LRCH1: variants seen among roughly 807,000 people sequenced by gnomAD.
LRCH1 encodes leucine-rich repeat and calponin homology domain-containing protein 1.
A neutral mutation model predicts 94.9 loss-of-function variants in LRCH1; 23 were observed. That is an observed-to-expected ratio of 0.24 (90% CI 0.17 to 0.34). The LOEUF is 0.34. LRCH1 is among the 10% of genes least tolerant of loss of function. The pLI is 1.00. For synonymous variants in LRCH1, 364 were observed against 354.9 expected (o/e 1.03, Z -0.29); for missense variants, 790 against 945.9 (o/e 0.84, Z 2.16).
At chr13:46,718,998 T>G (rs1363831667) in intron 16 of LRCH1, among the ~76,000 whole-genome samples, 3 of 152,292 alleles carry the variant, frequency 2.0e-5, no homozygotes, top group African/African-American at 7.2e-5. Context: ...GACTCAAAGA[T>G]GTTCTCACAA....
intron 1 of LRCH1, among the ~76,000 whole-genome samples, chr13:46,565,735 G>A (rs1427906900): frequency 1.3e-5 from 2 of 151,480 alleles, no homozygotes; most frequent in African/African-American, 4.9e-5. Context: ...CGCTTGAACT[G>A]GGAGGCGGAG....
At chr13:46,751,623 A>T (rs1276035410) in exon 19 of LRCH1, 2 of 152,228 alleles carry the variant, frequency 1.3e-5, no homozygotes, top group Non-Finnish European at 2.9e-5. Flanking sequence ...TTTTAACACA[A>T]AGAAATAATA....
intron 10 of LRCH1, 127 bp downstream of exon 10, chr13:46,699,530 T>C: frequency 1.2e-6 from 1 of 805,284 alleles, no homozygotes; most frequent in Non-Finnish European, 2.1e-6. Flanking sequence ...TTACAGACAA[T>C]ATTGATAAGA....
intron 16 of LRCH1, among the ~76,000 whole-genome samples, chr13:46,721,422 A>G (rs1387282179): frequency 6.6e-6 from 1 of 152,074 alleles, no homozygotes; most frequent in East Asian, 1.9e-4. Flanking sequence ...AATTAGTTCT[A>G]TATTTTATAT....
At chr13:46,603,918 A>C (rs1052505140) in intron 1 of LRCH1, among the ~76,000 whole-genome samples, 1 of 152,156 alleles carries the variant, frequency 6.6e-6, no homozygotes, top group Admixed American at 6.5e-5. Flanking sequence ...TGGCCTTCTA[A>C]AATGTTGGCA....
chr13:46,625,861 C>G (rs946992076), intron 1 of LRCH1, among the ~76,000 whole-genome samples: 12 of 151,948 alleles, frequency 7.9e-5, no homozygotes, highest in Admixed American at 6.5e-4. Flanking sequence ...CCATGTTGCC[C>G]AGGTTAGTCT....
At chr13:46,696,256 A>G (rs1871182488) in intron 9 of LRCH1, among the ~76,000 whole-genome samples, 1 of 151,654 alleles carries the variant, frequency 6.6e-6, no homozygotes. Flanking sequence ...GCCACCAAAC[A>G]TTTTTCTAAA....
rs145138551 is a variant in LRCH1 at position 46,650,100 on chromosome 13, T to A, written c.308-101T>A. 624 of 746,076 alleles carry A rather than the reference T, an allele frequency of 8.4e-4. 8 individuals are homozygous for A. The African/African-American group carries it at 0.01, about 12-fold the overall frequency. 46.2% of individuals were successfully genotyped at this position (746,076 alleles called of 1,614,324 possible). On this transcript the variant is annotated intron_variant, in intron 1 of 19. Transcript: ENST00000389797. ...GTGCAAAAAAAAATGATAATGTTGGTCAAAATGTATAATGTTAAGAAAAAC... is the reference window on the plus strand; with the variant it reads ...GTGCAAAAAAAAATGATAATGTTGGACAAAATGTATAATGTTAAGAAAAAC...
rs532123760 is a variant in LRCH1 at position 46,606,794 on chromosome 13, A to G, written c.308-43407A>G. ...ACCATGTTGGCCAGGCTGGTCTCGAACTCCTGACCTCAAGTGATCCTCCTG... is the reference window on the plus strand; with the variant it reads ...ACCATGTTGGCCAGGCTGGTCTCGAGCTCCTGACCTCAAGTGATCCTCCTG... On this transcript the variant is annotated intron_variant, in intron 1 of 19. Coordinates refer to ENST00000389797, the MANE Select transcript of LRCH1 (RefSeq NM_001164211.2). Among the ~76,000 whole-genome samples, 4 of 152,138 alleles carry G rather than the reference A, an allele frequency of 2.6e-5. No individual in the cohort carries two copies. In the South Asian group the frequency reaches 8.3e-4, roughly 32 times the overall value.
chr13:46,594,469 T>G (rs1041804347), intron 1 of LRCH1, among the ~76,000 whole-genome samples: 5 of 152,074 alleles, frequency 3.3e-5, no homozygotes, highest in Non-Finnish European at 7.4e-5. Context: ...TAAATGATTT[T>G]TCTTTGTCTC....
At chr13:46,740,907 AC>A (rs1293056134) in intron 19 of LRCH1, among the ~76,000 whole-genome samples, 2 of 151,408 alleles carry the variant, frequency 1.3e-5, no homozygotes, top group East Asian at 3.9e-4. Context: ...ACAGAGGTCT[AC>A]CCCCCCTGCC....
At chr13:46,586,614 C>T (rs566965258) in intron 1 of LRCH1, among the ~76,000 whole-genome samples, 73 of 152,112 alleles carry the variant, frequency 4.8e-4, no homozygotes, top group Non-Finnish European at 8.5e-4. Context: ...GATGGGGTTT[C>T]GCCATGTTGC....
At chr13:46,700,706 T>C (rs1376312126) in intron 10 of LRCH1, among the ~76,000 whole-genome samples, 1 of 152,144 alleles carries the variant, frequency 6.6e-6, no homozygotes, top group Non-Finnish European at 1.5e-5. Context: ...TGAAACCCTA[T>C]ATGCATGAAA....
At chr13:46,686,428 T>TG (rs912796882) in intron 5 of LRCH1, among the ~76,000 whole-genome samples, 4 of 152,110 alleles carry the variant, frequency 2.6e-5, no homozygotes, top group Non-Finnish European at 4.4e-5. Context: ...CTCTTTGCGA[T>TG]GGGGGGTCTT....
intron 18 of LRCH1, 91 bp downstream of exon 18, chr13:46,729,075 G>A: frequency 1.6e-6 from 2 of 1,277,228 alleles, no homozygotes; most frequent in Non-Finnish European, 1.0e-6. Context: ...GTCAGTAGGA[G>A]CTTGCTCAAA....
chr13:46,727,152 G>T (rs967882599), intron 17 of LRCH1, among the ~76,000 whole-genome samples: 1 of 152,152 alleles, frequency 6.6e-6, no homozygotes, highest in African/African-American at 2.4e-5. Flanking sequence ...CCCCAGCAGA[G>T]AACTAGAAAA....
At chr13:46,579,473 T>TC (rs2050341669) in intron 1 of LRCH1, among the ~76,000 whole-genome samples, 1 of 151,820 alleles carries the variant, frequency 6.6e-6, no homozygotes, top group Non-Finnish European at 1.5e-5. Context: ...CTTTTTTTTT[T>TC]TTAACCATAT....
At chr13:46,655,820 C>T (rs1013748481) in intron 2 of LRCH1, among the ~76,000 whole-genome samples, 10 of 152,150 alleles carry the variant, frequency 6.6e-5, no homozygotes, top group Non-Finnish European at 1.5e-4. Context: ...AATGAAAGTT[C>T]TGTATAGTAT....
At chr13:46,667,445 A>T (rs1044728210) in intron 2 of LRCH1, among the ~76,000 whole-genome samples, 1 of 146,424 alleles carries the variant, frequency 6.8e-6, no homozygotes, top group East Asian at 2.1e-4. Context: ...AAGAATTTTC[A>T]TGTTCTCACT....
Sources: gnomAD v4.1 joint callset for allele counts (sites outside exome capture counted in the v4.1 genomes callset) on GRCh38, gnomAD v4.1.1 for gene constraint, MANE v1.5 for transcripts, NCBI Gene and HGNC (gene_info 2026-07-23, HGNC 2026-07-21) for gene names.